IL1RAPL1: variants seen among roughly 807,000 people sequenced by gnomAD.
IL1RAPL1 encodes the protein interleukin 1 receptor accessory protein like 1.
IL1RAPL1 carries 3 observed loss-of-function variants against 48.4 expected under a neutral mutation model. The observed-to-expected ratio is 0.06, with a 90% CI of 0.03 to 0.16. IL1RAPL1 has a LOEUF of 0.16. Ranked by LOEUF, IL1RAPL1 falls within the 10% of genes least tolerant of loss-of-function variation. IL1RAPL1 has a pLI of 1.00. For missense variants in IL1RAPL1, 349 were observed against 530.6 expected (o/e 0.66, Z 3.36); for synonymous variants, 185 against 187.7 (o/e 0.99, Z 0.12).
intron 2 of IL1RAPL1, among the ~76,000 whole-genome samples, chrX:28,890,037 T>A (rs2147319133): frequency 9.0e-6 from 1 of 111,672 alleles, no homozygotes; most frequent in South Asian, 3.7e-4. Flanking sequence ...ACGTGCCTTT[T>A]TTGTTTGCTT....
At chrX:29,476,307 G>A (rs1934972958) in intron 5 of IL1RAPL1, among the ~76,000 whole-genome samples, 1 of 111,777 alleles carries the variant, frequency 8.9e-6, no homozygotes, top group Admixed American at 9.5e-5. Flanking sequence ...ACAATATGTC[G>A]GTTAGAAATT....
intron 2 of IL1RAPL1, among the ~76,000 whole-genome samples, chrX:29,150,069 G>T (rs1177754807): frequency 8.9e-6 from 1 of 112,050 alleles, no homozygotes; most frequent in East Asian, 2.8e-4. Context: ...CATTTAGAAA[G>T]GTTGAGAGAA....
intron 2 of IL1RAPL1, among the ~76,000 whole-genome samples, chrX:28,894,200 G>GTGTA (rs1323673571): frequency 8.9e-6 from 1 of 112,333 alleles, no homozygotes; most frequent in East Asian, 2.8e-4. Flanking sequence ...AAATATTGAT[G>GTGTA]TGTAGTACCT....
intron 1 of IL1RAPL1, among the ~76,000 whole-genome samples, chrX:28,750,155 G>A: frequency 9.1e-6 from 1 of 110,472 alleles, no homozygotes; most frequent in South Asian, 3.9e-4. Context: ...GTTTCACTGT[G>A]TTGGCCAGGC....
intron 5 of IL1RAPL1, among the ~76,000 whole-genome samples, chrX:29,438,616 C>A (rs1363796457): frequency 9.0e-6 from 1 of 110,785 alleles, no homozygotes; most frequent in East Asian, 2.8e-4. Context: ...TTTTTACATT[C>A]CTTGAAACAT....
intron 2 of IL1RAPL1, among the ~76,000 whole-genome samples, chrX:28,998,300 A>C (rs1337277046): frequency 9.0e-6 from 1 of 111,571 alleles, no homozygotes; most frequent in Non-Finnish European, 1.9e-5. Context: ...CAAAAGAGAA[A>C]GTGAACTTCA....
At chrX:28,836,239 G>T (rs976572279) in intron 2 of IL1RAPL1, among the ~76,000 whole-genome samples, 4 of 108,130 alleles carry the variant, frequency 3.7e-5, no homozygotes, top group African/African-American at 1.0e-4. Flanking sequence ...ATGTAAGTGT[G>T]TTGAAGGCAA....
intron 1 of IL1RAPL1, among the ~76,000 whole-genome samples, chrX:28,765,299 TA>T (rs1021072580): frequency 1.5e-4 from 16 of 108,524 alleles, no homozygotes; most frequent in African/African-American, 4.7e-4. Context: ...ACTTAAAGTA[TA>T]AAAAAAAAAT....
intron 2 of IL1RAPL1, among the ~76,000 whole-genome samples, chrX:28,930,652 A>T (rs1243496272): frequency 1.8e-5 from 2 of 111,398 alleles, no homozygotes; most frequent in Non-Finnish European, 3.8e-5. Context: ...TTATTTATTT[A>T]TTTTTTTGAG....
At chrX:29,384,407 T>G (rs898976050) in intron 3 of IL1RAPL1, among the ~76,000 whole-genome samples, 1 of 111,613 alleles carries the variant, frequency 9.0e-6, no homozygotes, top group African/African-American at 3.3e-5. Context: ...GATAAAGTGG[T>G]AAACAAGGCA....
chrX:29,214,327 T>C (rs887631002), intron 2 of IL1RAPL1, among the ~76,000 whole-genome samples: 1 of 111,512 alleles, frequency 9.0e-6, no homozygotes, highest in African/African-American at 3.3e-5. Flanking sequence ...TAAGGGCTTA[T>C]GTGTTTGGGA....
chrX:28,960,073 G>T (rs896970653), intron 2 of IL1RAPL1, among the ~76,000 whole-genome samples: 1 of 111,858 alleles, frequency 8.9e-6, no homozygotes, highest in African/African-American at 3.2e-5. Flanking sequence ...AATTTGCAAA[G>T]GTCAGAAGAT....
intron 5 of IL1RAPL1, among the ~76,000 whole-genome samples, chrX:29,414,291 T>C (rs917805672): frequency 1.6e-4 from 18 of 111,962 alleles, no homozygotes; most frequent in African/African-American, 5.5e-4. Context: ...GCACAACATT[T>C]TGAATGTATT....
intron 2 of IL1RAPL1, among the ~76,000 whole-genome samples, chrX:28,860,177 C>G (rs1265893926): frequency 9.0e-6 from 1 of 111,417 alleles, no homozygotes; most frequent in East Asian, 2.8e-4. Context: ...AAAAATAATT[C>G]AAACTATTAA....
chrX:28,961,465 C>A (rs1015769847), intron 2 of IL1RAPL1, among the ~76,000 whole-genome samples: 1 of 111,192 alleles, frequency 9.0e-6, no homozygotes, highest in Non-Finnish European at 1.9e-5. Context: ...GCCCCGCATG[C>A]ATTAGGTATT....
chrX:29,096,871 G>C (rs1376525363), intron 2 of IL1RAPL1, among the ~76,000 whole-genome samples: 1 of 110,344 alleles, frequency 9.1e-6, no homozygotes, highest in African/African-American at 3.3e-5. Flanking sequence ...ATCATTCAGA[G>C]ACCATGTAGA....
At position 28,904,696 on chromosome X, in the gene IL1RAPL1, A is replaced by T. The variant is rs190790517; in HGVS notation, c.82+115271A>T. On this transcript the variant is annotated intron_variant, in intron 2 of 10. Coordinates refer to ENST00000378993, the MANE Select transcript of IL1RAPL1 (RefSeq NM_014271.4). ...ACAAATTTGTGATTCCTTTCAATTA[A>T]CATTTTATCACCAAACTAAATTATC... Among the ~76,000 whole-genome samples, 348 of 112,095 alleles carry T rather than the reference A, an allele frequency of 3.1e-3. 1 individual carries two copies. The highest frequency in any genetic ancestry group is 0.011 in the African/African-American group (337 of 30,995).
chrX:29,741,289 ACAAT>A (rs1337475980), intron 6 of IL1RAPL1, among the ~76,000 whole-genome samples: 1 of 111,937 alleles, frequency 8.9e-6, no homozygotes, highest in Non-Finnish European at 1.9e-5. Flanking sequence ...ATTTGAGTCA[ACAAT>A]CATTTTTAAA....
chrX:28,821,958 A>G (rs1936941876), intron 2 of IL1RAPL1, among the ~76,000 whole-genome samples: 1 of 111,143 alleles, frequency 9.0e-6, no homozygotes. Flanking sequence ...AGAGGTTTTG[A>G]TAGCATTAGG....
Sources: gnomAD v4.1 joint callset for allele counts (sites outside exome capture counted in the v4.1 genomes callset) on GRCh38, gnomAD v4.1.1 for gene constraint, MANE v1.5 for transcripts, NCBI Gene and HGNC (gene_info 2026-07-23, HGNC 2026-07-21) for gene names.